Variants in DST observed in about 807,000 individuals in gnomAD.
DST encodes the protein dystonin.
A neutral mutation model predicts 875.2 loss-of-function variants in DST; 253 were observed. The ratio of observed to expected loss-of-function variants is 0.29; its 90% CI spans 0.26 to 0.32. DST has a LOEUF of 0.32. Ranked by LOEUF, DST falls within the 10% of genes least tolerant of loss-of-function variation. DST has a pLI of 1.00. For synonymous variants in DST, 3,124 were observed against 3,197.1 expected (o/e 0.98, Z 0.77); for missense variants, 8,287 against 9,111.6 (o/e 0.91, Z 3.68).
At chr6:56,672,056 C>T (rs1563593220) in intron 9 of DST, among the ~76,000 whole-genome samples, 1 of 152,060 alleles carries the variant, frequency 6.6e-6, no homozygotes, top group Non-Finnish European at 1.5e-5. Flanking sequence ...AGTCAAGCAA[C>T]TGAAAGTAGA....
chr6:56,583,118 G>T (rs1441341506), intron 49 of DST, among the ~76,000 whole-genome samples: 1 of 152,154 alleles, frequency 6.6e-6, no homozygotes, highest in Non-Finnish European at 1.5e-5. Flanking sequence ...CCCAGTAATG[G>T]GATGGCTGGG....
chr6:56,601,477 T>C lies in DST; in HGVS notation c.11507A>G (p.Gln3836Arg). 5 of 1,603,100 alleles carry C rather than the reference T, an allele frequency of 3.1e-6. No individual in the cohort carries two copies. Among genetic ancestry groups the C allele is most frequent in the Non-Finnish European group, 4.3e-6 (5 of 1,174,682 alleles). The change falls in exon 44 of 104, where the codon CAG (glutamine) becomes CGG (arginine). Residue 3836 changes from glutamine (Q) to arginine (R), a missense_variant. By Grantham distance (43) the Gln-to-Arg change is conservative. Around this residue, in one of 10 missense-constraint regions of DST, gnomAD observed 3,138 missense variants for 3,116.6 expected, o/e 1.01. Coordinates refer to ENST00000680361, the MANE Select transcript of DST (RefSeq NM_001374736.1). ...VTTQVERLET[Q>R]LHLEQDLDDQ... ...ATCAAGATCTTGTTCTAGATGTAACTGAGTCTCTAAACGTTCCACCTGGGT... is the reference window on the plus strand; with the variant it reads ...ATCAAGATCTTGTTCTAGATGTAACCGAGTCTCTAAACGTTCCACCTGGGT...
intron 5 of DST, among the ~76,000 whole-genome samples, chr6:56,719,532 C>A (rs2099406876): frequency 6.6e-6 from 1 of 152,324 alleles, no homozygotes; most frequent in Non-Finnish European, 1.5e-5. Flanking sequence ...AACCTTGACA[C>A]ACACGTAACT....
intron 2 of DST, among the ~76,000 whole-genome samples, chr6:56,916,987 TAAAAAAAAAAA>T (rs1161421788): frequency 2.0e-4 from 7 of 35,560 alleles, no homozygotes; most frequent in South Asian, 2.6e-3. Context: ...CCAGGCATGC[TAAAAAAAAAAA>T]AAAAAAAAAA....
intron 4 of DST, among the ~76,000 whole-genome samples, chr6:56,795,174 C>A (rs2099737577): frequency 6.6e-6 from 1 of 151,788 alleles, no homozygotes; most frequent in Non-Finnish European, 1.5e-5. Flanking sequence ...GATACTGCAT[C>A]CTTAAATACA....
rs116384371 is a variant in DST at position 56,520,913 on chromosome 6, A to G, written c.18130-3293T>C. 3.3e-3 allele frequency among the ~76,000 whole-genome samples: 501 copies of G among 152,150 alleles called. 2 individuals carry two copies. The highest frequency in any genetic ancestry group is 0.014 in the Middle Eastern group (4 of 294). ...ACTTCATAAACGTGGGGTATAATTTATTTTTTGATATTGAAAATTTAATAT... is the reference window on the plus strand; with the variant it reads ...ACTTCATAAACGTGGGGTATAATTTGTTTTTTGATATTGAAAATTTAATAT... On this transcript the variant is annotated intron_variant, in intron 69 of 103. Coordinates refer to ENST00000680361, the MANE Select transcript of DST (RefSeq NM_001374736.1).
rs1455181345 is a variant in DST, at chr6:56,506,500, C to A, written c.19407G>T (p.Arg6469=). Reference sequence around the variant, plus strand: ...GCATTGCCTCCTCAAGTTTGTCAATCCGGTCTTTCCAAGCTTTATTTAGAG... The same window carrying A: ...GCATTGCCTCCTCAAGTTTGTCAATACGGTCTTTCCAAGCTTTATTTAGAG... ...WDSLNKAWKD[R]IDKLEEAMQA... Residue 6469 remains arginine (R), a synonymous_variant, in exon 77 of 104, where the codon CGG becomes CGT. Transcript: ENST00000680361. 1 of 1,613,076 alleles carries A rather than the reference C, an allele frequency of 6.2e-7. No individual in the cohort carries two copies. The highest frequency in any genetic ancestry group is 1.3e-5 in the African/African-American group (1 of 74,874).
At chr6:56,909,974 G>A (rs1374049443) in intron 2 of DST, among the ~76,000 whole-genome samples, 1 of 152,164 alleles carries the variant, frequency 6.6e-6, no homozygotes, top group East Asian at 1.9e-4. Context: ...AAAAAATAAT[G>A]TATCTAGAAG....
chr6:56,474,023 T>C (rs969576396), intron 92 of DST, 21 bp from the exon 93 acceptor site: 1 of 1,560,622 alleles, frequency 6.4e-7, no homozygotes, highest in Non-Finnish European at 8.7e-7. Flanking sequence ...AGAAATGATG[T>C]CAATCAAATA....
In DST at chr6:56,506,391, G is replaced by A. The variant is rs116220185; in HGVS notation, c.19464+52C>T. The A allele has an allele frequency of 1.5e-3, 2,121 of 1,437,246 alleles. 24 individuals carry two copies. In the African/African-American group the frequency reaches 0.025, roughly 17 times the overall value. The allele number at this position is 1,437,246 out of a possible 1,614,324, so 89.0% of individuals were successfully genotyped here. On this transcript the variant is annotated intron_variant, in intron 77 of 103. Coordinates refer to ENST00000680361, the MANE Select transcript of DST (RefSeq NM_001374736.1). ...GGTGCCAATATGTAGACATCAATTA[G>A]TACGATTCCTCCTTCCAGCTAAGAC...
At chr6:56,863,062 C>T (rs750583823) in intron 3 of DST, 4 of 152,236 alleles carry the variant, frequency 2.6e-5, no homozygotes, top group South Asian at 2.1e-4. Flanking sequence ...CATTTTCTTC[C>T]AACTATAGCT....
At chr6:56,472,940 T>C (rs1254812686) in intron 93 of DST, among the ~76,000 whole-genome samples, 1 of 152,252 alleles carries the variant, frequency 6.6e-6, no homozygotes, top group Admixed American at 6.5e-5. Context: ...GAAACATTAC[T>C]AGCCTAGGGT....
At chr6:56,669,906 T>C (rs2099091377) in intron 10 of DST, among the ~76,000 whole-genome samples, 2 of 152,214 alleles carry the variant, frequency 1.3e-5, no homozygotes, top group Non-Finnish European at 1.5e-5. Flanking sequence ...CTGTTAATAA[T>C]GCTCACCAGG....
At chr6:56,855,273 A>C (rs747044238) in intron 3 of DST, among the ~76,000 whole-genome samples, 6 of 152,248 alleles carry the variant, frequency 3.9e-5, no homozygotes, top group Non-Finnish European at 7.3e-5. Flanking sequence ...AATATAAATG[A>C]GAGTTAAGTT....
Position 56,459,212 on chromosome 6 carries a change from G to A in DST, c.23250C>T (p.Ser7750=), listed in dbSNP as rs2152366376. 1.2e-6 allele frequency: 2 copies of A among 1,613,528 alleles called. No individual in the cohort carries two copies. Among genetic ancestry groups the A allele is most frequent in the East Asian group, 2.2e-5 (1 of 44,882 alleles). The change falls in exon 104 of 104, where the codon AGC becomes AGT. Residue 7750 remains serine (S), a synonymous_variant. Transcript: ENST00000680361. ...CACTGCCTCGGCGGCTGCTGGCCCT[G>A]CTGCCAGCTTTGCTTCCAGCTCGAC... ...PGSRAGSKAG[S]RASSRRGSDA... is the part of the protein sequence containing the mutation.
chr6:56,612,601 G>A (rs1405138886), intron 37 of DST, among the ~76,000 whole-genome samples: 1 of 152,056 alleles, frequency 6.6e-6, no homozygotes. Flanking sequence ...GAAATAATGG[G>A]CCAATGAAAA....
chr6:56,870,231 G>C (rs1591899371), intron 3 of DST, among the ~76,000 whole-genome samples: 1 of 152,000 alleles, frequency 6.6e-6, no homozygotes. Context: ...CAATCAGGTA[G>C]TAAAGAGAGC....
intron 34 of DST, among the ~76,000 whole-genome samples, chr6:56,625,782 C>G (rs1473336795): frequency 6.6e-6 from 1 of 150,824 alleles, no homozygotes; most frequent in African/African-American, 2.4e-5. Flanking sequence ...CAGATAGGTC[C>G]TTCAGAAAGT....
intron 36 of DST, chr6:56,617,010 A>G (rs755950348): frequency 6.2e-7 from 1 of 1,611,036 alleles, no homozygotes; most frequent in Non-Finnish European, 8.5e-7. Flanking sequence ...GCTGAGGCAA[A>G]TGAAATCTTT....
Sources: allele counts gnomAD v4.1 joint callset (sites outside exome capture counted in the v4.1 genomes callset), GRCh38; gene constraint gnomAD v4.1.1; regional missense constraint gnomAD v4.1.1; transcripts MANE v1.5; gene names NCBI Gene and HGNC (gene_info 2026-07-23, HGNC 2026-07-21).